BCAT2: variants seen among roughly 807,000 people sequenced by gnomAD.
BCAT2 encodes branched chain amino acid transaminase 2, also known as branched-chain-amino-acid aminotransferase, mitochondrial.
In BCAT2, 44 loss-of-function variants were observed where a neutral mutation model predicts 52.9. The observed-to-expected ratio is 0.83, with a 90% CI of 0.65 to 1.07. The LOEUF (loss-of-function observed/expected upper bound fraction) is 1.07, where lower values mean the gene tolerates loss of function less well. Among genes scored for constraint, BCAT2 ranks in the 50% least tolerant of loss-of-function variants. The pLI is 0.00. For missense variants in BCAT2, 478 were observed against 521.8 expected, an observed-to-expected ratio of 0.92 and a Z score of 0.82; for synonymous variants, 215 against 217.1, an observed-to-expected ratio of 0.99 and a Z score of 0.08.
intron 6 of BCAT2, chr19:48,798,791 A>ATTTTTTTTTTT (rs34719140): frequency 7.5e-6 from 1 of 132,814 alleles, no homozygotes; most frequent in Non-Finnish European, 1.6e-5. Flanking sequence ...AGCCCGGCTA[A>ATTTTTTTTTTT]TTTTTTTTTT....
rs374377249 is a variant in BCAT2 at position 48,796,651 on chromosome 19, C to T, written c.992G>A (p.Arg331His). Residue 331 changes from arginine to histidine, a missense_variant, in exon 9 of 11, where the codon CGC (arginine) becomes CAC (histidine). Arg to His is a conservative substitution (Grantham distance 29, BLOSUM62 0). Transcript: ENST00000316273. The part of the protein sequence containing the change: ...KQLLRALEEG[R>H]VREVFGSGTA... ...GCCCGAGCCAAAGACTTCCCGCACG[C>T]GGCCCTCCTCCAGGGCCCGCAGCAA... 1.9e-5 allele frequency: 31 copies of T among 1,613,592 alleles called. No individual in the cohort carries two copies. Among genetic ancestry groups the T allele is most frequent in the Non-Finnish European group, 2.3e-5 (27 of 1,180,026 alleles).
At chr19:48,806,433 C>G in intron 3 of BCAT2, 84 bp downstream of exon 3, 2 of 1,534,732 alleles carry the variant, frequency 1.3e-6, no homozygotes, top group Admixed American at 1.7e-5. Flanking sequence ...ACAAACAAAC[C>G]AAGAGAGGTA....
chr19:48,795,289 T>A lies in BCAT2; in HGVS notation c.*137A>T. The A allele has an allele frequency of 8.6e-7, 1 of 1,167,530 alleles. No homozygotes were observed. The highest frequency in any genetic ancestry group is 1.2e-6 in the Non-Finnish European group (1 of 811,754). The allele number at this position is 1,167,530 out of a possible 1,614,324, so 72.3% of individuals were successfully genotyped here. A position where few individuals can be genotyped will look rare whatever the true frequency, so the allele number is the denominator to read the frequency against. ...CGGCTTTGGGAGTGTCGCAACCACA[T>A]GGGGGCGCCAGAGACCCAGACGCCG... is the stretch of plus-strand genomic sequence containing the variant. On this transcript the variant is annotated 3_prime_UTR_variant, in exon 11 of 11. Coordinates refer to ENST00000316273, the MANE Select transcript of BCAT2 (RefSeq NM_001190.4).
rs2034825080 is a variant in BCAT2 at position 48,807,791 on chromosome 19, T to TC, written c.25-718dup. 4.1e-6 allele frequency: 4 copies of TC among 985,752 alleles called. No homozygotes were observed. The highest frequency in any genetic ancestry group is 3.6e-6 in the Non-Finnish European group (3 of 830,082). 61.1% of individuals were successfully genotyped at this position (985,752 alleles called of 1,614,324 possible). On this transcript the variant is annotated intron_variant, in intron 1 of 10. Coordinates refer to ENST00000316273, the MANE Select transcript of BCAT2 (RefSeq NM_001190.4). The surrounding 1 kb of genome is among the most constrained non-coding windows in gnomAD (Gnocchi z 4.6). ...AACCCATTTTGGCAGTGACTCCAAT[T>TC]CCCTTCAGCCCCTGGGGCTGAGGGG...
At chr19:48,802,889 C>T (rs2034687912) in intron 3 of BCAT2, among the ~76,000 whole-genome samples, 1 of 152,168 alleles carries the variant, frequency 6.6e-6, no homozygotes, top group South Asian at 2.1e-4. Flanking sequence ...GCTCTTTAAG[C>T]TTTAAGGTAT....
rs1186965115 is a variant in BCAT2, at chr19:48,796,928, T to C, written c.924+9A>G. On this transcript the variant is annotated intron_variant, in intron 8 of 10. Transcript: ENST00000316273. ...TGGCGCCCATCACCAGAAGATGCCA[T>C]GTCCTCACCCAGGTCTGAGCCATGT... 2 of 1,613,878 alleles carry C rather than the reference T, an allele frequency of 1.2e-6. No homozygotes were observed. Among genetic ancestry groups the C allele is most frequent in the Non-Finnish European group, 1.7e-6 (2 of 1,179,876 alleles).
Position 48,797,034 on chromosome 19 carries a change from G to C in BCAT2, c.839-12C>G, listed in dbSNP as rs748961972. 13 of 1,614,074 alleles carry C rather than the reference G, an allele frequency of 8.1e-6. No homozygotes were observed. Among genetic ancestry groups the C allele is most frequent in the Non-Finnish European group, 1.1e-5 (13 of 1,179,924 alleles). ...CACCAGCTCCAGCACTAGGGCAGGT[G>C]TAAGGGGTGGAAGATGTTACCTCTC... On this transcript the variant is annotated splice_polypyrimidine_tract_variant and intron_variant, in intron 7 of 10. Transcript: ENST00000316273.
chr19:48,795,523 C>T, intron 10 of BCAT2, 59 bp from the exon 11 acceptor site: 3 of 1,596,982 alleles, frequency 1.9e-6, no homozygotes, highest in Non-Finnish European at 2.6e-6. Flanking sequence ...CCCAGTAGGC[C>T]CTGGGGTGTT....
In BCAT2 at chr19:48,795,403, G is replaced by A. The variant is rs768744069; in HGVS notation, c.*23C>T. On this transcript the variant is annotated 3_prime_UTR_variant, in exon 11 of 11. Transcript: ENST00000316273. ...CGTGACGAGATGCTACGGGTCGGTG[G>A]ATCTGGAGCACAGCCTGCAGCTTCA... is the stretch of plus-strand genomic sequence containing the variant. 52 of 1,613,774 alleles carry A rather than the reference G, an allele frequency of 3.2e-5. No homozygotes were observed. The Admixed American group carries it at 3.3e-4, about 10-fold the overall frequency.
chr19:48,797,117 G>A, intron 7 of BCAT2, 74 bp downstream of exon 7: 1 of 1,606,780 alleles, frequency 6.2e-7, no homozygotes, highest in South Asian at 1.1e-5. Flanking sequence ...GAATCCCTGG[G>A]GCCTGTAACC....
chr19:48,810,968 G>A lies in BCAT2; in HGVS notation c.24+16C>T, dbSNP rs548947762. The A allele has an allele frequency of 2.5e-6, 4 of 1,607,570 alleles. No individual in the cohort carries two copies. In the East Asian group the frequency reaches 6.7e-5, roughly 27 times the overall value. On this transcript the variant is annotated intron_variant, in intron 1 of 10. Coordinates refer to ENST00000316273, the MANE Select transcript of BCAT2 (RefSeq NM_001190.4). Reference sequence around the variant, plus strand: ...CCGGTTATTTCCCAGACCCCGGCGCGGGGCTGCGAACCCACCTGCCCCAGA... The same window carrying A: ...CCGGTTATTTCCCAGACCCCGGCGCAGGGCTGCGAACCCACCTGCCCCAGA...
At position 48,799,846 on chromosome 19, in the gene BCAT2, G is replaced by C. The variant is rs1432261505; in HGVS notation, c.532-8C>G. The C allele has an allele frequency of 6.4e-7, 1 of 1,562,514 alleles. No homozygotes were observed. Among genetic ancestry groups the C allele is most frequent in the Non-Finnish European group, 8.7e-7 (1 of 1,153,836 alleles). On this transcript the variant is annotated splice_polypyrimidine_tract_variant and splice_region_variant and intron_variant, in intron 5 of 10. Transcript: ENST00000316273. The surrounding 1 kb of genome is among the most constrained non-coding windows in gnomAD (Gnocchi z 5.5). Reference sequence around the variant, plus strand: ...GCTGACACCCAGCGAGGGCTGCGACGGGCAAAGGGACAGCGTCAGGAGTCC... The same window carrying C: ...GCTGACACCCAGCGAGGGCTGCGACCGGCAAAGGGACAGCGTCAGGAGTCC...
At position 48,796,957 on chromosome 19, in the gene BCAT2, G is replaced by A; in HGVS notation, c.904C>T (p.Leu302=). 1 of 1,614,210 alleles carries A rather than the reference G, an allele frequency of 6.2e-7. No homozygotes were observed. ...CTCACCCAGGTCTGAGCCATGTCCA[G>A]TAGACTCTGTCTGACCACTCCAGGC... ...ILPGVVRQSL[L]DMAQTWGEFR... The change falls in exon 8 of 11, where the codon CTG becomes TTG. Residue 302 remains leucine, a synonymous_variant. Coordinates refer to ENST00000316273, the MANE Select transcript of BCAT2 (RefSeq NM_001190.4).
Position 48,799,963 on chromosome 19 carries a change from C to T in BCAT2, c.531+18G>A. 1 of 1,612,112 alleles carries T rather than the reference C, an allele frequency of 6.2e-7. No individual in the cohort carries two copies. The highest frequency in any genetic ancestry group is 2.2e-5 in the East Asian group (1 of 44,822). On this transcript the variant is annotated intron_variant, in intron 5 of 10. Coordinates refer to ENST00000316273, the MANE Select transcript of BCAT2 (RefSeq NM_001190.4). This position sits in a 1 kb window ranked among gnomAD's most constrained non-coding sequence, Gnocchi z 5.5. ...CAACCCCCGCAGCCCAGCTTCCCAG[C>T]CCTGGAGTTGGGCCCACCTCGTTCC...
In BCAT2 at chr19:48,810,992, G is replaced by T. The variant is rs753212568; in HGVS notation, c.16C>A (p.Leu6Met). MAAAA[L>M]GQIWARKLLS... is the part of the protein sequence containing the mutation. The stretch of plus-strand genomic sequence containing the variant: ...CGGGGCTGCGAACCCACCTGCCCCA[G>T]AGCGGCTGCGGCCATGATCCGTGCG... The change falls in exon 1 of 11, where the codon CTG becomes ATG. Residue 6 changes from leucine (L) to methionine (M), a missense_variant. Leu to Met is a conservative substitution (Grantham distance 15). Transcript: ENST00000316273. The T allele has an allele frequency of 6.2e-7, 1 of 1,608,328 alleles. No homozygotes were observed. The highest frequency in any genetic ancestry group is 8.5e-7 in the Non-Finnish European group (1 of 1,178,140).
chr19:48,809,723 C>T (rs2034877568), intron 1 of BCAT2, among the ~76,000 whole-genome samples: 1 of 151,766 alleles, frequency 6.6e-6, no homozygotes, highest in African/African-American at 2.4e-5. Flanking sequence ...AGCATTGTCT[C>T]TGCCAAATAT....
Position 48,807,897 on chromosome 19 carries a change from G to A in BCAT2, c.25-823C>T. 1.3e-5 allele frequency: 13 copies of A among 985,764 alleles called. No homozygotes were observed. Among genetic ancestry groups the A allele is most frequent in the Non-Finnish European group, 1.6e-5 (13 of 830,130 alleles). 61.1% of individuals were successfully genotyped at this position (985,764 alleles called of 1,614,324 possible). A position where few individuals can be genotyped will look rare whatever the true frequency, so the allele number is the denominator to read the frequency against. Reference sequence around the variant, plus strand: ...GTCCTCCCAGAGGGGAGTAGGAAGAGCAGGTCTGGCTGTGTCCAGCAGGCT... The same window carrying A: ...GTCCTCCCAGAGGGGAGTAGGAAGAACAGGTCTGGCTGTGTCCAGCAGGCT... On this transcript the variant is annotated intron_variant, in intron 1 of 10. Coordinates refer to ENST00000316273, the MANE Select transcript of BCAT2 (RefSeq NM_001190.4). This position sits in a 1 kb window ranked among gnomAD's most constrained non-coding sequence, Gnocchi z 4.6.
chr19:48,798,264 C>G (rs953748373), intron 6 of BCAT2, among the ~76,000 whole-genome samples: 14 of 152,266 alleles, frequency 9.2e-5, no homozygotes, highest in Admixed American at 9.2e-4. Flanking sequence ...AGGCTGGGTG[C>G]TGGACCTTCC....
intron 6 of BCAT2, among the ~76,000 whole-genome samples, chr19:48,797,910 G>A (rs957224221): frequency 2.0e-5 from 3 of 150,540 alleles, no homozygotes; most frequent in East Asian, 1.9e-4. Context: ...TCCGCCTCTC[G>A]GGTCCAAGCG....
Sources: gnomAD v4.1 joint callset for allele counts (sites outside exome capture counted in the v4.1 genomes callset) on GRCh38, gnomAD v4.1.1 for gene constraint, Gnocchi (gnomAD v3.1) non-coding constraint, MANE v1.5 for transcripts, NCBI Gene and HGNC (gene_info 2026-07-23, HGNC 2026-07-21) for gene names.